Variants in EDDM13 observed in about 807,000 individuals in gnomAD.
EDDM13 encodes epididymal protein 13.
A neutral mutation model predicts 17.8 loss-of-function variants in EDDM13; 24 were observed. The ratio of observed to expected loss-of-function variants is 1.35; its 90% CI spans 0.98 to 1.90. EDDM13 has a LOEUF of 1.90. Ranked by LOEUF, EDDM13 falls within the 40% of genes most tolerant of loss-of-function variation. The pLI is 0.00. For missense variants in EDDM13, 97 were observed against 100.8 expected (o/e 0.96, Z 0.16); for synonymous variants, 31 against 37.5 (o/e 0.83, Z 0.63).
chr19:56,298,970 A>G (rs1236773759), intron 12 of EDDM13, among the ~76,000 whole-genome samples: 1 of 152,234 alleles, frequency 6.6e-6, no homozygotes, highest in Non-Finnish European at 1.5e-5. Context: ...TTGGCAATAC[A>G]TGTTAAACAA....
intron 14 of EDDM13, among the ~76,000 whole-genome samples, chr19:56,309,451 T>C (rs1286730124): frequency 1.3e-5 from 2 of 152,210 alleles, no homozygotes; most frequent in Non-Finnish European, 2.9e-5. Flanking sequence ...TGGTGAATTT[T>C]ATGTTATGCA....
intron 14 of EDDM13, among the ~76,000 whole-genome samples, chr19:56,309,332 G>A (rs1036954008): frequency 6.6e-6 from 1 of 152,138 alleles, no homozygotes; most frequent in Non-Finnish European, 1.5e-5. Context: ...GCTTTTAATG[G>A]ATTTCTTTTT....
At chr19:56,302,575 TCCTCCC>T (rs1568726519) in intron 13 of EDDM13, among the ~76,000 whole-genome samples, 842 of 53,614 alleles carry the variant, frequency 0.016, 13 homozygotes, top group African/African-American at 0.036. Flanking sequence ...TTCCTTTTCT[TCCTCCC>T]CCTTTTCTTC....
At chr19:56,299,082 C>T (rs2040064149) in intron 12 of EDDM13, among the ~76,000 whole-genome samples, 1 of 152,098 alleles carries the variant, frequency 6.6e-6, no homozygotes, top group Non-Finnish European at 1.5e-5. Context: ...AAAACAAGCA[C>T]ATTATCATTT....
rs2037946715 is a variant in EDDM13, at chr19:56,272,779, C to A, written c.-56C>A. 1.7e-5 allele frequency: 12 copies of A among 716,710 alleles called. No homozygotes were observed. Among genetic ancestry groups the A allele is most frequent in the Non-Finnish European group, 2.1e-5 (12 of 584,374 alleles). The allele number at this position is 716,710 out of a possible 1,614,324, so 44.4% of individuals were successfully genotyped here. The stretch of plus-strand genomic sequence containing the variant: ...GGAGCCTGGGAAGACGGTGGGTGAC[C>A]AGAGAGTCCTGTCTATCCTAGGAGG... On this transcript the variant is annotated 5_prime_UTR_variant, in exon 1 of 15. Coordinates refer to ENST00000649256, the MANE Select transcript of EDDM13 (RefSeq NM_001354658.2).
At chr19:56,279,632 A>G (rs2038534074) in intron 2 of EDDM13, among the ~76,000 whole-genome samples, 1 of 152,234 alleles carries the variant, frequency 6.6e-6, no homozygotes, top group Non-Finnish European at 1.5e-5. Context: ...TGAGAATCAC[A>G]TGGGAAACTT....
At chr19:56,303,729 G>A (rs2040496310) in intron 13 of EDDM13, among the ~76,000 whole-genome samples, 1 of 152,264 alleles carries the variant, frequency 6.6e-6, no homozygotes, top group Non-Finnish European at 1.5e-5. Flanking sequence ...AGAGAAACAA[G>A]CAGCCAGCTC....
chr19:56,301,492 G>A (rs988548515), intron 12 of EDDM13, among the ~76,000 whole-genome samples: 3 of 152,128 alleles, frequency 2.0e-5, no homozygotes, highest in African/African-American at 4.8e-5. Flanking sequence ...TCTTGGTTTC[G>A]GTGGGTTTTG....
chr19:56,284,397 G>C (rs1469397279), intron 5 of EDDM13, among the ~76,000 whole-genome samples, 191 bp downstream of exon 5: 1 of 151,984 alleles, frequency 6.6e-6, no homozygotes, highest in Admixed American at 6.6e-5. Flanking sequence ...CTCATGCTTG[G>C]GTGATGGGAG....
chr19:56,308,826 G>A (rs377760873), intron 14 of EDDM13, among the ~76,000 whole-genome samples: 3 of 152,278 alleles, frequency 2.0e-5, no homozygotes, highest in East Asian at 1.9e-4. Context: ...GGAAATGAAT[G>A]GTGTTGAACG....
intron 12 of EDDM13, 176 bp from the exon 13 acceptor site, chr19:56,301,792 G>A: frequency 1.7e-6 from 1 of 572,894 alleles, no homozygotes; most frequent in Non-Finnish European, 2.6e-6. Context: ...CTGGAGTATG[G>A]TGGTAACCAA....
intron 8 of EDDM13, among the ~76,000 whole-genome samples, 183 bp downstream of exon 8, chr19:56,289,074 G>A (rs1014421676): frequency 6.6e-6 from 1 of 152,156 alleles, no homozygotes; most frequent in African/African-American, 2.4e-5. Flanking sequence ...TGCTGTGCTG[G>A]TAAATGTCTA....
intron 9 of EDDM13, among the ~76,000 whole-genome samples, chr19:56,291,644 T>C (rs1168970128): frequency 6.6e-6 from 1 of 152,178 alleles, no homozygotes; most frequent in Non-Finnish European, 1.5e-5. Flanking sequence ...CTAAGAGTCT[T>C]GTTTCACATT....
intron 5 of EDDM13, among the ~76,000 whole-genome samples, chr19:56,284,485 AGATT>A (rs2038953617): frequency 7.9e-5 from 1 of 12,674 alleles, no homozygotes; most frequent in Non-Finnish European, 1.0e-3. Flanking sequence ...AACAGAAATT[AGATT>A]AGAGACAAGT....
chr19:56,285,994 C>T (rs1234178395), intron 6 of EDDM13, among the ~76,000 whole-genome samples: 2 of 152,134 alleles, frequency 1.3e-5, no homozygotes, highest in Non-Finnish European at 1.5e-5. Context: ...TTTCCCCACA[C>T]CTTCAGCAGC....
intron 1 of EDDM13, among the ~76,000 whole-genome samples, chr19:56,274,325 G>A (rs1272376555): frequency 6.6e-6 from 1 of 151,918 alleles, no homozygotes; most frequent in Non-Finnish European, 1.5e-5. Context: ...ATGGTAGTAG[G>A]GGCCTGTAAT....
In EDDM13 at chr19:56,282,452, C is replaced by T. The variant is rs867541238; in HGVS notation, c.110-39C>T. On this transcript the variant is annotated intron_variant, in intron 3 of 14. Coordinates refer to ENST00000649256, the MANE Select transcript of EDDM13 (RefSeq NM_001354658.2). The stretch of plus-strand genomic sequence containing the variant: ...TTGGCAATATGGTTCCCACTGGCTA[C>T]CATCGGTCCTGTCCTTCCTGCTGCT... 17 of 984,262 alleles carry T rather than the reference C, an allele frequency of 1.7e-5. 1 individual carries two copies. The Middle Eastern group carries it at 3.1e-3, about 182-fold the overall frequency. The allele number at this position is 984,262 out of a possible 1,614,324, so 61.0% of individuals were successfully genotyped here.
chr19:56,292,781 G>C (rs186956757), intron 9 of EDDM13, among the ~76,000 whole-genome samples: 1 of 152,250 alleles, frequency 6.6e-6, no homozygotes, highest in East Asian at 1.9e-4. Flanking sequence ...GCAAGTTTGA[G>C]GATTCTAGGT....
Position 56,303,659 on chromosome 19 carries a change from G to A in EDDM13, c.424-1134G>A, listed in dbSNP as rs117378571. 1.6e-3 allele frequency among the ~76,000 whole-genome samples: 249 copies of A among 152,106 alleles called. 2 individuals carry two copies. The East Asian group carries it at 0.032, about 20-fold the overall frequency. On this transcript the variant is annotated intron_variant, in intron 13 of 14. Transcript: ENST00000649256. Reference sequence around the variant, plus strand: ...AGATGCTGGGGACTCAGAGAAGAACGGAACCCATAAGGTCCTTGAGTCCCC... The same window carrying A: ...AGATGCTGGGGACTCAGAGAAGAACAGAACCCATAAGGTCCTTGAGTCCCC...
Sources: gnomAD v4.1 joint callset for allele counts (sites outside exome capture counted in the v4.1 genomes callset) on GRCh38, gnomAD v4.1.1 for gene constraint, MANE v1.5 for transcripts, NCBI Gene and HGNC (gene_info 2026-07-23, HGNC 2026-07-21) for gene names.